Variants in CCDC141 observed in about 807,000 individuals in gnomAD.
CCDC141 encodes coiled-coil domain-containing protein 141.
CCDC141 carries 168 observed loss-of-function variants against 181.0 expected under a neutral mutation model. That is an observed-to-expected ratio of 0.93 (90% CI 0.82 to 1.05). CCDC141 has a LOEUF of 1.05. Ranked by LOEUF, CCDC141 falls within the 50% of genes least tolerant of loss-of-function variation. The probability of loss-of-function intolerance (pLI) is 0.00; values close to 1 mark genes in which losing one functional copy is unlikely to be tolerated. For missense variants in CCDC141, 1,902 were observed against 1,788.5 expected, an observed-to-expected ratio of 1.06 and a Z score of -1.14; for synonymous variants, 666 against 642.3, an observed-to-expected ratio of 1.04 and a Z score of -0.56.
chr2:178,899,812 T>C (rs2154372241), intron 8 of CCDC141, among the ~76,000 whole-genome samples: 1 of 152,318 alleles, frequency 6.6e-6, no homozygotes, highest in Admixed American at 6.5e-5. Context: ...GTGGCTGCAC[T>C]TGAAATATTA....
chr2:178,911,371 T>C (rs1236593309), intron 7 of CCDC141, among the ~76,000 whole-genome samples: 2 of 152,150 alleles, frequency 1.3e-5, no homozygotes, highest in East Asian at 3.8e-4. Flanking sequence ...AAAAAGCCAA[T>C]GCACAGGGAA....
At chr2:179,037,173 T>C (rs1015783187) in intron 2 of CCDC141, among the ~76,000 whole-genome samples, 2 of 152,170 alleles carry the variant, frequency 1.3e-5, no homozygotes, top group Non-Finnish European at 2.9e-5. Context: ...AGTGGATCTG[T>C]GGAAAGAGCC....
At chr2:178,877,337 A>G (rs1373962708) in intron 12 of CCDC141, 1 of 152,230 alleles carries the variant, frequency 6.6e-6, no homozygotes, top group Non-Finnish European at 1.5e-5. Flanking sequence ...AACATTAAAA[A>G]AAGAAGGTTT....
intron 2 of CCDC141, among the ~76,000 whole-genome samples, chr2:179,013,586 T>C (rs981108151): frequency 1.3e-5 from 2 of 152,108 alleles, no homozygotes; most frequent in African/African-American, 4.8e-5. Flanking sequence ...AATACCAGCA[T>C]CATTCTTTAC....
intron 6 of CCDC141, among the ~76,000 whole-genome samples, chr2:178,943,369 T>C (rs187806952): frequency 2.0e-4 from 31 of 152,274 alleles, no homozygotes; most frequent in African/African-American, 7.2e-4. Flanking sequence ...ACCAAAGACT[T>C]TGAATGCCTA....
downstream of CCDC141, among the ~76,000 whole-genome samples, chr2:178,827,887 G>A (rs903197675): frequency 3.9e-5 from 6 of 152,290 alleles, no homozygotes; most frequent in Admixed American, 1.3e-4. Context: ...CAAAGTCTAA[G>A]CCAAAACAAG....
chr2:179,048,815 T>C (rs976508815), intron 1 of CCDC141, among the ~76,000 whole-genome samples: 1 of 152,202 alleles, frequency 6.6e-6, no homozygotes, highest in Admixed American at 6.5e-5. Context: ...TGTCCTTCTA[T>C]AGTGAACTGT....
In CCDC141 at chr2:179,050,031, T is replaced by G; in HGVS notation, c.-90A>C. 1 of 1,534,514 alleles carries G rather than the reference T, an allele frequency of 6.5e-7. No homozygotes were observed. The highest frequency in any genetic ancestry group is 1.4e-5 in the African/African-American group (1 of 72,724). ...TTCAGAAGGCCAGGGTTACTTGGAT[T>G]CATTCAGGGAAAGAGCTCAGCTCAC... On this transcript the variant is annotated 5_prime_UTR_variant, in exon 1 of 24. Coordinates refer to ENST00000443758, the MANE Select transcript of CCDC141 (RefSeq NM_173648.4).
At chr2:178,895,570 G>A (rs969849786) in intron 8 of CCDC141, among the ~76,000 whole-genome samples, 2 of 152,178 alleles carry the variant, frequency 1.3e-5, no homozygotes, top group African/African-American at 4.8e-5. Flanking sequence ...TCCACACTAA[G>A]AGTTTTAGAA....
chr2:179,022,368 A>G, intron 2 of CCDC141, among the ~76,000 whole-genome samples: 1 of 152,196 alleles, frequency 6.6e-6, no homozygotes, highest in East Asian at 1.9e-4. Context: ...AACAATAGGA[A>G]GTTTTTGTAC....
intron 2 of CCDC141, among the ~76,000 whole-genome samples, chr2:178,982,358 T>C (rs1415024123): frequency 1.3e-5 from 2 of 151,986 alleles, no homozygotes; most frequent in Non-Finnish European, 2.9e-5. Flanking sequence ...TATAAGAGCA[T>C]CAGAAAGAAT....
chr2:179,005,140 A>T (rs2042087156), intron 2 of CCDC141, among the ~76,000 whole-genome samples: 1 of 152,210 alleles, frequency 6.6e-6, no homozygotes, highest in African/African-American at 2.4e-5. Flanking sequence ...CTCTATTCAA[A>T]CCTAATATGA....
At chr2:178,940,476 G>A (rs184571033) in intron 6 of CCDC141, among the ~76,000 whole-genome samples, 2 of 152,288 alleles carry the variant, frequency 1.3e-5, no homozygotes, top group African/African-American at 4.8e-5. Flanking sequence ...CATATGTTGA[G>A]CCCATTAGAG....
rs1202586447 is a variant in CCDC141, at chr2:178,905,485, C to A, written c.1109G>T (p.Gly370Val). The A allele has an allele frequency of 6.5e-7, 1 of 1,545,018 alleles. No individual in the cohort carries two copies. The highest frequency in any genetic ancestry group is 2.4e-5 in the East Asian group (1 of 40,894). ...NSANKAFDVL[G>V]RVEAYLKLLK... ...GAGCTTAAGGTAAGCTTCAACTCTT[C>A]CAAGTACATCAAATGCCTGCCAAAG... Residue 370 changes from glycine to valine, a missense_variant, in exon 8 of 24, where the codon GGA becomes GTA. Gly to Val is a moderately radical substitution (Grantham distance 109). Coordinates refer to ENST00000443758, the MANE Select transcript of CCDC141 (RefSeq NM_173648.4).
chr2:178,945,210 C>T (rs1689679884), intron 5 of CCDC141, among the ~76,000 whole-genome samples: 1 of 152,078 alleles, frequency 6.6e-6, no homozygotes, highest in Admixed American at 6.6e-5. Context: ...CTACAAATAG[C>T]AAAGGACTTG....
the CCDC141 span, among the ~76,000 whole-genome samples, chr2:178,816,278 T>C: frequency 6.6e-5 from 10 of 152,208 alleles, no homozygotes; most frequent in East Asian, 1.7e-3. Context: ...CAGAATACCA[T>C]ATAGTTGGAG....
rs904078712 is a variant in CCDC141, at chr2:178,945,840, A to G, written c.781-1189T>C. On this transcript the variant is annotated intron_variant, in intron 5 of 23. Transcript: ENST00000443758. ...CAGAAGTTCCACACAATAAATGCAC[A>G]TGACACATGCGTGCACACACACACA... 4.9e-5 allele frequency among the ~76,000 whole-genome samples: 6 copies of G among 122,130 alleles called. 1 individual carries two copies. The South Asian group carries it at 1.7e-3, about 35-fold the overall frequency. 80.1% of individuals were successfully genotyped at this position (122,130 alleles called of 152,430 possible).
intron 8 of CCDC141, among the ~76,000 whole-genome samples, chr2:178,893,358 A>T (rs1030820145): frequency 6.6e-6 from 1 of 151,984 alleles, no homozygotes; most frequent in African/African-American, 2.4e-5. Flanking sequence ...AGCAAATTCC[A>T]ATGTTAATGT....
chr2:178,845,053 G>A (rs974820505), intron 22 of CCDC141, among the ~76,000 whole-genome samples: 2 of 152,140 alleles, frequency 1.3e-5, no homozygotes, highest in African/African-American at 4.8e-5. Context: ...TTATCAGTAA[G>A]TGCATAAGTG....
Sources: allele counts gnomAD v4.1 joint callset (sites outside exome capture counted in the v4.1 genomes callset), GRCh38; gene constraint gnomAD v4.1.1; transcripts MANE v1.5; gene names NCBI Gene and HGNC (gene_info 2026-07-23, HGNC 2026-07-21).